Variants in BBS9 observed in about 807,000 individuals in gnomAD.
BBS9 encodes the protein Bardet-Biedl syndrome 9.
BBS9 carries 89 observed loss-of-function variants against 117.7 expected under a neutral mutation model. The ratio of observed to expected loss-of-function variants is 0.76; its 90% CI spans 0.64 to 0.90. The LOEUF (loss-of-function observed/expected upper bound fraction) is 0.90. Among genes scored for constraint, BBS9 ranks in the 40% least tolerant of loss-of-function variants. BBS9 has a pLI of 0.00. For synonymous variants in BBS9, 379 were observed against 370.9 expected (o/e 1.02, Z -0.25); for missense variants, 982 against 1,042.2 (o/e 0.94, Z 0.80).
intron 19 of BBS9, among the ~76,000 whole-genome samples, chr7:33,401,493 A>C (rs989066344): frequency 6.6e-6 from 1 of 151,772 alleles, no homozygotes; most frequent in Admixed American, 6.6e-5. Context: ...TTAAGGAGAC[A>C]TAGACATCAA....
chr7:33,197,135 G>A (rs1025649146), intron 5 of BBS9, among the ~76,000 whole-genome samples: 2 of 152,066 alleles, frequency 1.3e-5, no homozygotes, highest in Non-Finnish European at 2.9e-5. Flanking sequence ...TTTCATGGTA[G>A]CTAAATGCCA....
rs530480380 is a variant in BBS9, at chr7:33,303,946, G to T, written c.1016+29990G>T. 5.1e-3 allele frequency among the ~76,000 whole-genome samples: 775 copies of T among 152,212 alleles called. 3 individuals are homozygous for T. Among genetic ancestry groups the T allele is most frequent in the Non-Finnish European group, 7.4e-3 (506 of 67,998 alleles). The stretch of plus-strand genomic sequence containing the variant: ...GCCGCCACCCTGTCTAGGAAGTGAG[G>T]AGTGTCTCTGCCTGGCCGCCCATCC... On this transcript the variant is annotated intron_variant, in intron 9 of 22. Transcript: ENST00000242067.
intron 19 of BBS9, among the ~76,000 whole-genome samples, chr7:33,455,595 T>G (rs1447030772): frequency 1.3e-5 from 2 of 152,202 alleles, no homozygotes; most frequent in Non-Finnish European, 2.9e-5. Flanking sequence ...TAGGCTTTAC[T>G]TCACCAAAAC....
rs1864441726 is a variant in BBS9 at position 33,605,308 on chromosome 7, A to G, written c.*82A>G. ...TGAACCTCATGCCAAGCACAGATAT[A>G]GGGCTGGCGCAGGTGCTTCCTAAAG... On this transcript the variant is annotated 3_prime_UTR_variant, in exon 23 of 23. Transcript: ENST00000242067. 3 of 1,430,886 alleles carry G rather than the reference A, an allele frequency of 2.1e-6. No homozygotes were observed. Among genetic ancestry groups the G allele is most frequent in the African/African-American group, 1.4e-5 (1 of 71,188 alleles). 88.6% of individuals were successfully genotyped at this position (1,430,886 alleles called of 1,614,324 possible).
At chr7:33,627,477 G>A (rs1363120380) in intron 21 of BBS9, among the ~76,000 whole-genome samples, 1 of 152,218 alleles carries the variant, frequency 6.6e-6, no homozygotes, top group East Asian at 1.9e-4. Flanking sequence ...TAGTAGAGCT[G>A]TGAGAAGAGG....
intron 17 of BBS9, among the ~76,000 whole-genome samples, chr7:33,373,625 T>C (rs866521622): frequency 2.0e-4 from 30 of 152,324 alleles, no homozygotes; most frequent in Non-Finnish European, 3.5e-4. Flanking sequence ...CTGAGCATTT[T>C]GGATAAAGTA....
intron 19 of BBS9, among the ~76,000 whole-genome samples, chr7:33,501,936 G>A (rs1845508862): frequency 6.6e-6 from 1 of 151,034 alleles, no homozygotes; most frequent in Non-Finnish European, 1.5e-5. Context: ...TTTTGAGATG[G>A]AGTCTCACTC....
intron 20 of BBS9, among the ~76,000 whole-genome samples, chr7:33,529,244 C>T (rs572299093): frequency 3.9e-5 from 6 of 152,324 alleles, no homozygotes; most frequent in East Asian, 1.9e-4. Context: ...GGGGACTGGG[C>T]AGCCATGTTG....
chr7:33,565,544 T>C (rs190671660), intron 21 of BBS9, among the ~76,000 whole-genome samples: 61 of 152,038 alleles, frequency 4.0e-4, no homozygotes, highest in African/African-American at 1.5e-3. Context: ...TGGTTCCCTG[T>C]CTTTTTGTTT....
At chr7:33,213,565 T>C (rs1394563816) in intron 5 of BBS9, among the ~76,000 whole-genome samples, 1 of 152,190 alleles carries the variant, frequency 6.6e-6, no homozygotes, top group East Asian at 1.9e-4. Flanking sequence ...TGTTTCAGCA[T>C]AGCCACCACA....
intron 9 of BBS9, among the ~76,000 whole-genome samples, chr7:33,280,482 G>A (rs1801602375): frequency 6.6e-6 from 1 of 152,054 alleles, no homozygotes; most frequent in African/African-American, 2.4e-5. Flanking sequence ...TTTCTATTTC[G>A]AGACATAGCT....
At chr7:33,181,564 G>A (rs968180625) in intron 5 of BBS9, among the ~76,000 whole-genome samples, 1 of 152,126 alleles carries the variant, frequency 6.6e-6, no homozygotes, top group African/African-American at 2.4e-5. Context: ...TATAAACCTT[G>A]CATATAACCC....
At chr7:33,488,557 T>G (rs1843427561) in intron 19 of BBS9, among the ~76,000 whole-genome samples, 2 of 152,218 alleles carry the variant, frequency 1.3e-5, no homozygotes, top group African/African-American at 4.8e-5. Context: ...ACTTTTCTGT[T>G]TCCTTAACAT....
intron 6 of BBS9, among the ~76,000 whole-genome samples, chr7:33,260,467 T>C (rs1583939445): frequency 1.3e-5 from 2 of 152,236 alleles, no homozygotes; most frequent in South Asian, 4.1e-4. Flanking sequence ...GATTTTTGGC[T>C]AATGTCATGT....
chr7:33,142,083 G>A (rs939798434), intron 1 of BBS9, among the ~76,000 whole-genome samples: 5 of 151,878 alleles, frequency 3.3e-5, no homozygotes, highest in Admixed American at 6.6e-5. Flanking sequence ...CTACCCGCCC[G>A]GCTAATTTTT....
intron 9 of BBS9, among the ~76,000 whole-genome samples, chr7:33,323,883 G>A (rs1410726949): frequency 2.8e-5 from 4 of 142,814 alleles, no homozygotes; most frequent in African/African-American, 7.9e-5. Flanking sequence ...TGTCACCCAG[G>A]CTGGAGTGCA....
downstream of BBS9, among the ~76,000 whole-genome samples, chr7:33,635,688 G>A (rs969895488): frequency 2.6e-5 from 4 of 152,178 alleles, no homozygotes; most frequent in African/African-American, 9.7e-5. Context: ...ATAGGCGAGT[G>A]TAAGGCATTT....
At chr7:33,191,649 A>G (rs1411718050) in intron 5 of BBS9, among the ~76,000 whole-genome samples, 4 of 152,206 alleles carry the variant, frequency 2.6e-5, no homozygotes, top group African/African-American at 9.6e-5. Context: ...ATTCTGGTAC[A>G]GTGTGTGGGG....
chr7:33,411,011 G>GTTTTTTTTTT (rs765425062), intron 19 of BBS9, among the ~76,000 whole-genome samples: 1 of 96,424 alleles, frequency 1.0e-5, no homozygotes, highest in Non-Finnish European at 2.2e-5. Context: ...AAATGTTGGT[G>GTTTTTTTTTT]TTTTTTTTTT....
Sources: allele counts gnomAD v4.1 joint callset (sites outside exome capture counted in the v4.1 genomes callset), GRCh38; gene constraint gnomAD v4.1.1; transcripts MANE v1.5; gene names NCBI Gene and HGNC (gene_info 2026-07-23, HGNC 2026-07-21).